CNNM4: variants seen among roughly 807,000 people sequenced by gnomAD.
The protein encoded by CNNM4 is metal transporter CNNM4.
A neutral mutation model predicts 53.7 loss-of-function variants in CNNM4; 32 were observed. The observed-to-expected ratio is 0.60, with a 90% CI of 0.45 to 0.80. CNNM4 has a LOEUF of 0.80. CNNM4 is among the 30% of genes least tolerant of loss of function. CNNM4 has a pLI of 0.00. For synonymous variants in CNNM4, 410 were observed against 440.0 expected (o/e 0.93, Z 0.85); for missense variants, 784 against 1,022.0 (o/e 0.77, Z 3.17).
chr2:96,780,254 G>A (rs2078962118), intron 1 of CNNM4, among the ~76,000 whole-genome samples: 1 of 151,996 alleles, frequency 6.6e-6, no homozygotes, highest in Admixed American at 6.6e-5. Flanking sequence ...TCATAAATGA[G>A]GGCTCTAAAA....
chr2:96,774,309 C>T lies in CNNM4; in HGVS notation c.1402+11908C>T, dbSNP rs138792010. ...TTCCCTTGGAGCCCCATCTTGCCTCCGCAACAAAGATCTTTGGTCACTTGG... is the reference window on the plus strand; with the variant it reads ...TTCCCTTGGAGCCCCATCTTGCCTCTGCAACAAAGATCTTTGGTCACTTGG... On this transcript the variant is annotated intron_variant, in intron 1 of 6. Coordinates refer to ENST00000377075, the MANE Select transcript of CNNM4 (RefSeq NM_020184.4). Among the ~76,000 whole-genome samples the T allele has an allele frequency of 2.0e-3, 304 of 152,238 alleles. 1 individual carries two copies. The highest frequency in any genetic ancestry group is 6.7e-3 in the African/African-American group (279 of 41,524).
chr2:96,806,535 A>ACACACACACACACACACGCGCG (rs374638753), intron 5 of CNNM4, among the ~76,000 whole-genome samples: 2 of 123,944 alleles, frequency 1.6e-5, no homozygotes, highest in African/African-American at 5.8e-5. Flanking sequence ...ACACACACAC[A>ACACACACACACACACACGCGCG]CGCGCGCGCG....
Position 96,809,528 on chromosome 2 carries a change from C to T in CNNM4, c.*11C>T, listed in dbSNP as rs758078718. The T allele has an allele frequency of 1.8e-5, 29 of 1,613,914 alleles. 1 individual carries two copies. The highest frequency in any genetic ancestry group is 5.0e-5 in the Admixed American group (3 of 60,020). The stretch of plus-strand genomic sequence containing the variant: ...GAGAATGCCATCTGACAGGAGGGCC[C>T]GGGGCCCCCTGCCCACCCTGCGGGG... On this transcript the variant is annotated 3_prime_UTR_variant, in exon 7 of 7. Coordinates refer to ENST00000377075, the MANE Select transcript of CNNM4 (RefSeq NM_020184.4).
chr2:96,780,972 CTTTTTTTTT>C (rs1049996269), intron 1 of CNNM4, among the ~76,000 whole-genome samples: 3 of 50,010 alleles, frequency 6.0e-5, no homozygotes, highest in East Asian at 1.3e-3. Flanking sequence ...ATCTCGAACT[CTTTTTTTTT>C]TTTTTTTTTT....
intron 1 of CNNM4, among the ~76,000 whole-genome samples, chr2:96,766,163 C>T (rs2078817665): frequency 1.3e-5 from 2 of 150,988 alleles, no homozygotes; most frequent in South Asian, 4.2e-4. Flanking sequence ...CAACCTCCAC[C>T]TCCCAGGTTC....
At chr2:96,770,820 G>A (rs974439156) in intron 1 of CNNM4, among the ~76,000 whole-genome samples, 6 of 152,226 alleles carry the variant, frequency 3.9e-5, no homozygotes, top group Admixed American at 6.5e-5. Context: ...CTGAAAGGCC[G>A]CGCAGCCATG....
intron 5 of CNNM4, among the ~76,000 whole-genome samples, chr2:96,806,535 A>ACACACACACACGCACGCG (rs374638753): frequency 8.1e-6 from 1 of 123,944 alleles, no homozygotes; most frequent in African/African-American, 2.9e-5. Flanking sequence ...ACACACACAC[A>ACACACACACACGCACGCG]CGCGCGCGCG....
intron 1 of CNNM4, among the ~76,000 whole-genome samples, chr2:96,764,081 G>T (rs1012392715): frequency 1.2e-4 from 19 of 152,158 alleles, no homozygotes; most frequent in Middle Eastern, 3.4e-3. Flanking sequence ...TGCCTCTGTG[G>T]TGTTTGGGAC....
intron 1 of CNNM4, among the ~76,000 whole-genome samples, chr2:96,774,702 G>A (rs796144864): frequency 1.1e-4 from 17 of 152,192 alleles, no homozygotes; most frequent in African/African-American, 4.1e-4. Context: ...AGTGGCTCAC[G>A]CCTGTAATCC....
At position 96,762,135 on chromosome 2, in the gene CNNM4, A is replaced by G; in HGVS notation, c.1136A>G (p.Gln379Arg). The change falls in exon 1 of 7, where the codon CAG (glutamine) becomes CGG (arginine). Residue 379 changes from glutamine to arginine, a missense_variant. Gln to Arg is a conservative substitution (Grantham distance 43, BLOSUM62 1). Transcript: ENST00000377075. Reference protein sequence around the residue: ...RTKTVEDIMTQLQDCFMIRSD... With the variant: ...RTKTVEDIMTRLQDCFMIRSD... Reference sequence around the variant, plus strand: ...AAAACTGTAGAGGATATCATGACCCAGCTCCAGGACTGCTTCATGATCCGC... The same window carrying G: ...AAAACTGTAGAGGATATCATGACCCGGCTCCAGGACTGCTTCATGATCCGC... 1 of 1,614,128 alleles carries G rather than the reference A, an allele frequency of 6.2e-7. No homozygotes were observed. Among genetic ancestry groups the G allele is most frequent in the African/African-American group, 1.3e-5 (1 of 75,028 alleles).
intron 1 of CNNM4, among the ~76,000 whole-genome samples, chr2:96,792,833 G>A (rs1048657715): frequency 1.3e-5 from 2 of 151,848 alleles, no homozygotes; most frequent in Admixed American, 6.6e-5. Flanking sequence ...CAGGCTCACC[G>A]TCCCATGGGC....
At chr2:96,775,712 TCTCA>T (rs1197686618) in intron 1 of CNNM4, among the ~76,000 whole-genome samples, 1 of 152,136 alleles carries the variant, frequency 6.6e-6, no homozygotes, top group African/African-American at 2.4e-5. Flanking sequence ...CATGGTTGTG[TCTCA>T]CTGTGTTTTG....
intron 1 of CNNM4, among the ~76,000 whole-genome samples, chr2:96,773,988 A>G (rs1469117212): frequency 6.6e-6 from 1 of 152,156 alleles, no homozygotes; most frequent in African/African-American, 2.4e-5. Context: ...TAGTCAGGGT[A>G]ACAGAAGGCA....
At chr2:96,790,116 C>T (rs2079048362) in intron 1 of CNNM4, among the ~76,000 whole-genome samples, 1 of 148,382 alleles carries the variant, frequency 6.7e-6, no homozygotes, top group East Asian at 2.0e-4. Flanking sequence ...ACGCCATTCT[C>T]CTGCCTCAGC....
chr2:96,779,592 CAT>C (rs1394864086), intron 1 of CNNM4, among the ~76,000 whole-genome samples: 1 of 151,244 alleles, frequency 6.6e-6, no homozygotes, highest in Non-Finnish European at 1.5e-5. Flanking sequence ...CTGTGGTGCA[CAT>C]GTGGGTCTCT....
At chr2:96,804,441 G>A (rs1054152142) in intron 5 of CNNM4, among the ~76,000 whole-genome samples, 1 of 150,502 alleles carries the variant, frequency 6.6e-6, no homozygotes, top group Non-Finnish European at 1.5e-5. Context: ...TGACCCTGTC[G>A]CCCAGGCTGG....
intron 1 of CNNM4, among the ~76,000 whole-genome samples, chr2:96,765,024 G>GTTTTTTTTTTTTTTTTTTTTTTTT (rs1158502593): frequency 2.4e-5 from 1 of 41,518 alleles, no homozygotes; most frequent in African/African-American, 8.8e-5. Context: ...GTTGGGAATG[G>GTTTTTTTTTTTTTTTTTTTTTTTT]TTTTTTTTTT....
chr2:96,793,353 G>A (rs752250657), intron 1 of CNNM4, among the ~76,000 whole-genome samples: 5 of 152,178 alleles, frequency 3.3e-5, no homozygotes, highest in Non-Finnish European at 7.4e-5. Context: ...AACAGCCCAG[G>A]GGCCCAAAGC....
chr2:96,774,405 C>A (rs924908717), intron 1 of CNNM4, among the ~76,000 whole-genome samples: 8 of 152,078 alleles, frequency 5.3e-5, no homozygotes, highest in African/African-American at 1.9e-4. Flanking sequence ...CAGAGCGAGA[C>A]CCTGTGTTTA....
Sources: allele counts gnomAD v4.1 joint callset (sites outside exome capture counted in the v4.1 genomes callset), GRCh38; gene constraint gnomAD v4.1.1; transcripts MANE v1.5; gene names NCBI Gene and HGNC (gene_info 2026-07-23, HGNC 2026-07-21).